The following TMEFF2 variants were observed in gnomAD, a reference collection of about 807,000 sequenced individuals.
TMEFF2 encodes transmembrane protein with EGF like and two follistatin like domains 2.
In TMEFF2, 28 loss-of-function variants were observed where a neutral mutation model predicts 53.8. The observed-to-expected ratio is 0.52, with a 90% CI of 0.39 to 0.71. The LOEUF (loss-of-function observed/expected upper bound fraction) is 0.71. TMEFF2 is among the 30% of genes least tolerant of loss of function. TMEFF2 has a pLI of 0.00. For synonymous variants in TMEFF2, 162 were observed against 166.3 expected (o/e 0.97, Z 0.20); for missense variants, 353 against 455.2 (o/e 0.78, Z 2.04).
intron 4 of TMEFF2, among the ~76,000 whole-genome samples, chr2:192,083,585 GAA>G (rs1362060334): frequency 6.6e-6 from 1 of 151,908 alleles, no homozygotes; most frequent in Non-Finnish European, 1.5e-5. Flanking sequence ...TGCATATGGA[GAA>G]AAGTTATTTC....
intron 4 of TMEFF2, among the ~76,000 whole-genome samples, chr2:192,118,379 A>G (rs1011692677): frequency 6.6e-6 from 1 of 152,052 alleles, no homozygotes; most frequent in Non-Finnish European, 1.5e-5. Flanking sequence ...TGATGTAACT[A>G]CTCCTCCATA....
At chr2:192,103,164 G>A (rs1201279825) in intron 4 of TMEFF2, among the ~76,000 whole-genome samples, 3 of 152,100 alleles carry the variant, frequency 2.0e-5, no homozygotes, top group Non-Finnish European at 4.4e-5. Context: ...GGTACTTCTT[G>A]ATCTTCTCTT....
At chr2:192,184,908 C>A (rs779793245) in intron 2 of TMEFF2, among the ~76,000 whole-genome samples, 3 of 151,426 alleles carry the variant, frequency 2.0e-5, no homozygotes, top group African/African-American at 7.3e-5. Flanking sequence ...AAATATATAG[C>A]CAAAATGCCA....
At chr2:192,119,149 C>G (rs2356942) in intron 4 of TMEFF2, among the ~76,000 whole-genome samples, 86,699 of 151,998 alleles carry the variant, frequency 0.57, 24,942 homozygotes, top group East Asian at 0.73. Context: ...TGTTGTCCAA[C>G]TACTTATGTG....
intron 4 of TMEFF2, among the ~76,000 whole-genome samples, chr2:192,127,756 G>C (rs1559137764): frequency 6.6e-6 from 1 of 152,164 alleles, no homozygotes; most frequent in Non-Finnish European, 1.5e-5. Flanking sequence ...AATAAGTCGT[G>C]ACAATTTTAA....
At chr2:192,011,844 G>A (rs753270818) in intron 5 of TMEFF2, among the ~76,000 whole-genome samples, 18 of 151,968 alleles carry the variant, frequency 1.2e-4, no homozygotes, top group Non-Finnish European at 2.4e-4. Context: ...TTTTAAGCAA[G>A]CTCAGTTATA....
chr2:192,002,389 C>T (rs1241830123), intron 5 of TMEFF2, among the ~76,000 whole-genome samples: 1 of 152,084 alleles, frequency 6.6e-6, no homozygotes, highest in African/African-American at 2.4e-5. Context: ...TATATACTTG[C>T]ATATATTAAA....
chr2:192,152,302 C>A (rs993225264), intron 4 of TMEFF2, among the ~76,000 whole-genome samples: 2 of 151,874 alleles, frequency 1.3e-5, no homozygotes, highest in Non-Finnish European at 2.9e-5. Flanking sequence ...AACTCTTCAT[C>A]CCCATATCTA....
At chr2:192,160,974 G>T (rs1227593074) in intron 4 of TMEFF2, among the ~76,000 whole-genome samples, 1 of 152,086 alleles carries the variant, frequency 6.6e-6, no homozygotes, top group Non-Finnish European at 1.5e-5. Flanking sequence ...CCACGCTAAA[G>T]GCTTATCAAT....
intron 5 of TMEFF2, chr2:192,021,844 C>G (rs1046158885): frequency 9.9e-5 from 15 of 152,164 alleles, no homozygotes; most frequent in African/African-American, 3.6e-4. Flanking sequence ...ACGAAAAAAG[C>G]AAATACAGGA....
At chr2:191,987,805 A>G (rs2105822450) in intron 7 of TMEFF2, among the ~76,000 whole-genome samples, 1 of 152,306 alleles carries the variant, frequency 6.6e-6, no homozygotes, top group South Asian at 2.1e-4. Context: ...TAAAAATATG[A>G]TTATCCATGT....
chr2:191,956,507 C>A, intron 7 of TMEFF2, 129 bp from the exon 8 acceptor site: 1 of 1,077,506 alleles, frequency 9.3e-7, no homozygotes, highest in South Asian at 2.2e-5. Context: ...GGCTATGCTT[C>A]AGAAATAAGA....
At chr2:191,977,636 CAAAAT>C (rs1427332719) in intron 7 of TMEFF2, among the ~76,000 whole-genome samples, 1 of 151,912 alleles carries the variant, frequency 6.6e-6, no homozygotes, top group African/African-American at 2.4e-5. Context: ...TTTGTCTTGA[CAAAAT>C]AAATATATAT....
intron 4 of TMEFF2, among the ~76,000 whole-genome samples, chr2:192,071,041 A>C (rs1056554415): frequency 6.6e-5 from 10 of 151,818 alleles, no homozygotes; most frequent in African/African-American, 2.2e-4. Flanking sequence ...TTCCCTACTG[A>C]GCGAATGCTT....
At chr2:192,086,758 T>C (rs966824835) in intron 4 of TMEFF2, among the ~76,000 whole-genome samples, 2 of 152,128 alleles carry the variant, frequency 1.3e-5, no homozygotes, top group African/African-American at 2.4e-5. Context: ...TACTTCCTAT[T>C]GTTTTTGGCC....
At chr2:192,180,604 A>T (rs1027965542) in intron 3 of TMEFF2, among the ~76,000 whole-genome samples, 1 of 151,756 alleles carries the variant, frequency 6.6e-6, no homozygotes, top group Non-Finnish European at 1.5e-5. Context: ...ATGTGCCCTT[A>T]TTCCACAGTG....
At chr2:192,178,431 A>G (rs1458148660) in intron 4 of TMEFF2, 6 of 150,990 alleles carry the variant, frequency 4.0e-5, no homozygotes, top group African/African-American at 9.7e-5. Context: ...GTAGAGAAAG[A>G]CTGTCCAGAC....
At chr2:191,976,286 A>C (rs1685723783) in intron 7 of TMEFF2, among the ~76,000 whole-genome samples, 2 of 152,190 alleles carry the variant, frequency 1.3e-5, no homozygotes, top group Admixed American at 1.3e-4. Context: ...ATTATGAGGA[A>C]TACATGAGAG....
rs991637122 is a variant in TMEFF2, at chr2:192,002,969, T to C, written c.537-3761A>G. Among the ~76,000 whole-genome samples the C allele has an allele frequency of 2.0e-5, 3 of 152,304 alleles. No homozygotes were observed. In the East Asian group the frequency reaches 5.8e-4, roughly 29 times the overall value. Reference sequence around the variant, plus strand: ...ATTACATAATCATTATTTACTATATTCCATGTATATATGTCTATTAAGCTT... The same window carrying C: ...ATTACATAATCATTATTTACTATATCCCATGTATATATGTCTATTAAGCTT... On this transcript the variant is annotated intron_variant, in intron 5 of 9. Transcript: ENST00000272771.
Sources: allele counts gnomAD v4.1 joint callset (sites outside exome capture counted in the v4.1 genomes callset), GRCh38; gene constraint gnomAD v4.1.1; transcripts MANE v1.5; gene names NCBI Gene and HGNC (gene_info 2026-07-23, HGNC 2026-07-21).